RBFOX1: variants seen among roughly 807,000 people sequenced by gnomAD.
The protein encoded by RBFOX1 is RNA binding protein fox-1 homolog 1.
Under a neutral mutation model 57.7 loss-of-function variants are expected in RBFOX1, and 8 were observed. That is an observed-to-expected ratio of 0.14 (90% CI 0.08 to 0.25). The LOEUF (loss-of-function observed/expected upper bound fraction) is 0.25. Among genes scored for constraint, RBFOX1 ranks in the 10% least tolerant of loss-of-function variants. The pLI is 1.00. For missense variants in RBFOX1, 611 were observed against 548.5 expected, an observed-to-expected ratio of 1.11 and a Z score of -1.14; for synonymous variants, 326 against 222.4, an observed-to-expected ratio of 1.47 and a Z score of -4.15.
chr16:6,423,856 C>T (rs1036500987), intron 2 of RBFOX1, among the ~76,000 whole-genome samples: 3 of 152,106 alleles, frequency 2.0e-5, no homozygotes, highest in South Asian at 2.1e-4. Flanking sequence ...AAGAGATCCA[C>T]CCTGAATCCT....
chr16:7,304,427 C>T, intron 4 of RBFOX1: 1 of 985,332 alleles, frequency 1.0e-6, no homozygotes, highest in Non-Finnish European at 1.2e-6. Context: ...GTGGCGCTCC[C>T]CAACGTGGGC....
At chr16:6,623,330 G>C (rs2098260249) in intron 2 of RBFOX1, among the ~76,000 whole-genome samples, 1 of 152,136 alleles carries the variant, frequency 6.6e-6, no homozygotes, top group Non-Finnish European at 1.5e-5. Flanking sequence ...CAGAGATGCT[G>C]AGAAGGGCCT....
At chr16:7,046,644 A>C (rs1373966402) in intron 3 of RBFOX1, among the ~76,000 whole-genome samples, 1 of 121,068 alleles carries the variant, frequency 8.3e-6, no homozygotes, top group Non-Finnish European at 1.6e-5. Context: ...GGGAGTACAG[A>C]GTCTCAGTCT....
chr16:5,268,294 T>A (rs1435006167), intron 1 of RBFOX1, among the ~76,000 whole-genome samples: 2 of 152,250 alleles, frequency 1.3e-5, no homozygotes, highest in African/African-American at 4.8e-5. Context: ...ATTTGCCGTA[T>A]AACTGTGCCT....
At chr16:5,548,909 A>C (rs4606722) in intron 2 of RBFOX1, among the ~76,000 whole-genome samples, 44,975 of 152,106 alleles carry the variant, frequency 0.3, 7,399 homozygotes, top group Non-Finnish European at 0.37. Context: ...ACTTCCGCAA[A>C]AAAACAAGTC....
rs1433029909 is a variant in RBFOX1 at position 7,712,190 on chromosome 16, G to A, written c.*1445G>A. The stretch of plus-strand genomic sequence containing the variant: ...CTGTTTACAAGTTAACTTAAGTTGG[G>A]GTATCCGTCACGGGTCTTCCTGTTT... On this transcript the variant is annotated 3_prime_UTR_variant, in exon 16 of 16. Coordinates refer to ENST00000550418, the MANE Select transcript of RBFOX1 (RefSeq NM_018723.4). The A allele has an allele frequency of 6.6e-6, 1 of 152,460 alleles. No homozygotes were observed. The highest frequency in any genetic ancestry group is 2.4e-5 in the African/African-American group (1 of 41,398). 9.4% of individuals were successfully genotyped at this position (152,460 alleles called of 1,614,324 possible). A position where few individuals can be genotyped will look rare whatever the true frequency, so the allele number is the denominator to read the frequency against.
intron 1 of RBFOX1, among the ~76,000 whole-genome samples, chr16:6,236,020 A>T (rs2152917138): frequency 6.6e-6 from 1 of 152,364 alleles, no homozygotes; most frequent in East Asian, 1.9e-4. Context: ...AAAAATTCAA[A>T]AAATAAAGTA....
At chr16:6,865,384 C>T (rs2059746190) in intron 3 of RBFOX1, among the ~76,000 whole-genome samples, 1 of 151,918 alleles carries the variant, frequency 6.6e-6, no homozygotes, top group African/African-American at 2.4e-5. Flanking sequence ...TGCAGAAAAA[C>T]ACAAAGAAGA....
At chr16:6,637,136 T>G (rs2098443915) in intron 2 of RBFOX1, among the ~76,000 whole-genome samples, 1 of 93,340 alleles carries the variant, frequency 1.1e-5, no homozygotes, top group Admixed American at 1.8e-4. Context: ...TATTATATAT[T>G]AAATATATAA....
At chr16:7,709,732 CTGGGTTTTTGTTTTGGGAGGGGG>C in intron 15 of RBFOX1, 1 of 1,016,050 alleles carries the variant, frequency 9.8e-7, no homozygotes, top group Non-Finnish European at 1.2e-6. Context: ...TGGGGCAGGT[CTGGGTTTTTGTTTTGGGAGGGGG>C]TGGGGGGAGG....
intron 2 of RBFOX1, among the ~76,000 whole-genome samples, chr16:6,565,402 C>G (rs534301542): frequency 6.6e-6 from 1 of 151,274 alleles, no homozygotes; most frequent in Non-Finnish European, 1.5e-5. Flanking sequence ...GAACTACAGG[C>G]GCCCGCCACC....
rs543259836 is a variant in RBFOX1, at chr16:6,938,207, A to G, written c.-15-113850A>G. ...TTCCTAGTGTAGAATATAATCTGTC[A>G]TTGTCCAGATTAGATCATTGTCCTA... On this transcript the variant is annotated intron_variant, in intron 3 of 15. Transcript: ENST00000550418. Among the ~76,000 whole-genome samples the G allele has an allele frequency of 2.4e-4, 36 of 152,276 alleles. 1 individual carries two copies. The South Asian group carries it at 7.0e-3, about 30-fold the overall frequency.
At chr16:6,912,241 C>A (rs182591966) in intron 3 of RBFOX1, among the ~76,000 whole-genome samples, 130 of 152,216 alleles carry the variant, frequency 8.5e-4, no homozygotes, top group Non-Finnish European at 1.3e-3. Flanking sequence ...CTTGAGGGTA[C>A]GTCAGAAGCA....
At chr16:7,206,595 C>A (rs367917491) in intron 4 of RBFOX1, among the ~76,000 whole-genome samples, 1 of 151,950 alleles carries the variant, frequency 6.6e-6, no homozygotes, top group South Asian at 2.1e-4. Flanking sequence ...GATTTTATTG[C>A]CAGTCATATC....
chr16:6,344,391 C>A (rs112670364), intron 2 of RBFOX1, among the ~76,000 whole-genome samples: 1 of 94,406 alleles, frequency 1.1e-5, no homozygotes, highest in Non-Finnish European at 2.1e-5. Flanking sequence ...CTCTCTTCTT[C>A]TTTTTTCTTT....
chr16:6,221,696 T>A (rs894102612), intron 1 of RBFOX1, among the ~76,000 whole-genome samples: 1 of 152,176 alleles, frequency 6.6e-6, no homozygotes. Flanking sequence ...CTCACAGTCA[T>A]GGCAGAAGGT....
In RBFOX1 at chr16:6,581,805, C is replaced by T. The variant is rs547305952; in HGVS notation, c.-63-72798C>T. ...CTTTGTGAAAATTGGATGTGTGTCC[C>T]AGATTCTTAGCTTTGGTGTTATATC... is the stretch of plus-strand genomic sequence containing the variant. On this transcript the variant is annotated intron_variant, in intron 2 of 15. Transcript: ENST00000550418. Among the ~76,000 whole-genome samples the T allele has an allele frequency of 5.3e-5, 8 of 152,272 alleles. No individual in the cohort carries two copies. The South Asian group carries it at 1.7e-3, about 32-fold the overall frequency.
intron 3 of RBFOX1, among the ~76,000 whole-genome samples, chr16:6,983,447 G>A (rs544395688): frequency 3.5e-4 from 52 of 146,578 alleles, no homozygotes; most frequent in African/African-American, 1.2e-3. Context: ...CGACTTGCTG[G>A]CTTTTTTTTT....
At chr16:7,646,614 A>T in intron 11 of RBFOX1, among the ~76,000 whole-genome samples, 1 of 152,226 alleles carries the variant, frequency 6.6e-6, no homozygotes, top group East Asian at 1.9e-4. Context: ...TCTCATGCAA[A>T]TTCAAACCAG....
Sources: gnomAD v4.1 joint callset for allele counts (sites outside exome capture counted in the v4.1 genomes callset) on GRCh38, gnomAD v4.1.1 for gene constraint, MANE v1.5 for transcripts, NCBI Gene and HGNC (gene_info 2026-07-23, HGNC 2026-07-21) for gene names.